The following C1orf52 variants were observed in gnomAD, a reference collection of about 807,000 sequenced individuals.
C1orf52 encodes the protein chromosome 1 open reading frame 52.
A neutral mutation model predicts 17.2 loss-of-function variants in C1orf52; 5 were observed. The ratio of observed to expected loss-of-function variants is 0.29; its 90% CI spans 0.15 to 0.61. The LOEUF (loss-of-function observed/expected upper bound fraction) is 0.61. C1orf52 is among the 20% of genes least tolerant of loss of function. The pLI is 0.85. For missense variants in C1orf52, 245 were observed against 234.1 expected (o/e 1.05, Z -0.30); for synonymous variants, 110 against 88.0 (o/e 1.25, Z -1.40).
intron 1 of C1orf52, 176 bp downstream of exon 1, chr1:85,259,182 C>T: frequency 8.8e-7 from 1 of 1,131,184 alleles, no homozygotes; most frequent in East Asian, 2.6e-5. Flanking sequence ...GTCTAACACC[C>T]ACCAGGCGGG....
rs541739871 is a variant in C1orf52 at position 85,250,441 on chromosome 1, T to A, written c.*2188A>T. The A allele has an allele frequency of 6.6e-6, 1 of 152,222 alleles. No homozygotes were observed. The highest frequency in any genetic ancestry group is 1.5e-5 in the Non-Finnish European group (1 of 68,052). 9.4% of individuals were successfully genotyped at this position (152,222 alleles called of 1,614,324 possible). ...ACCAAACTTCACCTCAGTACCCACA[T>A]GGACACTTGTGCAAACACGTTCCCA... On this transcript the variant is annotated 3_prime_UTR_variant, in exon 3 of 3. Transcript: ENST00000471115.
In C1orf52 at chr1:85,251,642, A is replaced by G. The variant is rs1411973920; in HGVS notation, c.*987T>C. 6.6e-6 allele frequency: 1 copy of G among 152,228 alleles called. No homozygotes were observed. The highest frequency in any genetic ancestry group is 1.5e-5 in the Non-Finnish European group (1 of 68,042). 9.4% of individuals were successfully genotyped at this position (152,228 alleles called of 1,614,324 possible). A position where few individuals can be genotyped will look rare whatever the true frequency, so the allele number is the denominator to read the frequency against. ...AATTTCAGATAAACACATTTTTTGT[A>G]TATGTCCTGAATATTAAATATACTA... On this transcript the variant is annotated 3_prime_UTR_variant, in exon 3 of 3. Coordinates refer to ENST00000471115, the MANE Select transcript of C1orf52 (RefSeq NM_198077.4).
intron 2 of C1orf52, 95 bp downstream of exon 2, chr1:85,258,429 C>T (rs1659999623): frequency 2.2e-5 from 24 of 1,110,588 alleles, no homozygotes; most frequent in Non-Finnish European, 3.0e-5. Context: ...TTTGTCAATT[C>T]GCTAGATTTA....
chr1:85,250,425 C>T lies in C1orf52; in HGVS notation c.*2204G>A, dbSNP rs1659773389. 1 of 152,214 alleles carries T rather than the reference C, an allele frequency of 6.6e-6. No individual in the cohort carries two copies. The highest frequency in any genetic ancestry group is 2.4e-5 in the African/African-American group (1 of 41,444). The allele number at this position is 152,214 out of a possible 1,614,324, so 9.4% of individuals were successfully genotyped here. A position where few individuals can be genotyped will look rare whatever the true frequency, so the allele number is the denominator to read the frequency against. ...GGTTTCCACTAGCTCAACCAAACTT[C>T]ACCTCAGTACCCACATGGACACTTG... On this transcript the variant is annotated 3_prime_UTR_variant, in exon 3 of 3. Transcript: ENST00000471115.
chr1:85,259,229 G>T, intron 1 of C1orf52, 129 bp downstream of exon 1: 1 of 1,258,754 alleles, frequency 7.9e-7, no homozygotes, highest in Non-Finnish European at 1.1e-6. Flanking sequence ...TGAGGTGGGA[G>T]GGGGTGGTGC....
intron 1 of C1orf52, 32 bp downstream of exon 1, chr1:85,259,326 C>A (rs761093340): frequency 1.4e-5 from 23 of 1,599,498 alleles, no homozygotes; most frequent in South Asian, 4.4e-5. Flanking sequence ...CAGGCCGGGG[C>A]CGAGACCGAG....
rs369342309 is a variant in C1orf52 at position 85,253,818 on chromosome 1, C to A, written c.476-1116G>T. 1.2e-4 allele frequency among the ~76,000 whole-genome samples: 19 copies of A among 152,166 alleles called. No individual in the cohort carries two copies. The East Asian group carries it at 1.5e-3, about 12-fold the overall frequency. ...CACAGACTAGTTGCTAATTCCATCT[C>A]CCTAAGCAAATGTGTGGTATTAAGA... On this transcript the variant is annotated intron_variant, in intron 2 of 2. Coordinates refer to ENST00000471115, the MANE Select transcript of C1orf52 (RefSeq NM_198077.4).
Position 85,258,564 on chromosome 1 carries a change from T to C in C1orf52, c.435A>G (p.Lys145=), listed in dbSNP as rs770624037. 23 of 1,614,126 alleles carry C rather than the reference T, an allele frequency of 1.4e-5. No individual in the cohort carries two copies. Among genetic ancestry groups the C allele is most frequent in the Non-Finnish European group, 1.8e-5 (21 of 1,180,050 alleles). The change falls in exon 2 of 3, where the codon AAA becomes AAG. Residue 145 remains lysine (K), a synonymous_variant. Coordinates refer to ENST00000471115, the MANE Select transcript of C1orf52 (RefSeq NM_198077.4). Reference sequence around the variant, plus strand: ...CCTCCCCTTCTGGTAGAAGCCTAGCTTTCTTAGCATTCTGTGGAGCATCAT... The same window carrying C: ...CCTCCCCTTCTGGTAGAAGCCTAGCCTTCTTAGCATTCTGTGGAGCATCAT... The part of the protein sequence containing the change: ...NGDDAPQNAK[K]ARLLPEGEET...
At position 85,251,172 on chromosome 1, in the gene C1orf52, G is replaced by GA. The variant is rs1191494445; in HGVS notation, c.*1456dup. The GA allele has an allele frequency of 6.6e-6, 1 of 152,004 alleles. No individual in the cohort carries two copies. The allele number at this position is 152,004 out of a possible 1,614,324, so 9.4% of individuals were successfully genotyped here. ...TTCAAATTTTATCTTCCACAATGGG[G>GA]AAAAACAGATTTAAAAAAAAATACT... is the stretch of plus-strand genomic sequence containing the variant. On this transcript the variant is annotated 3_prime_UTR_variant, in exon 3 of 3. Coordinates refer to ENST00000471115, the MANE Select transcript of C1orf52 (RefSeq NM_198077.4).
At position 85,259,349 on chromosome 1, in the gene C1orf52, G is replaced by T. The variant is rs75231029; in HGVS notation, c.276+9C>A. On this transcript the variant is annotated intron_variant, in intron 1 of 2. Transcript: ENST00000471115. The stretch of plus-strand genomic sequence containing the variant: ...GGCCGAGACCGAGAAACGGGGTCGG[G>T]GACCTCACCTCCTCAGGCGCCTTGA... The T allele has an allele frequency of 0.059, 94,705 of 1,606,064 alleles. 3,336 individuals carry two copies. The highest frequency in any genetic ancestry group is 0.15 in the East Asian group (6,642 of 44,590).
chr1:85,259,613 G>C lies in C1orf52; in HGVS notation c.21C>G (p.Asp7Glu), dbSNP rs762047378. The C allele has an allele frequency of 1.5e-5, 24 of 1,569,954 alleles. No homozygotes were observed. The highest frequency in any genetic ancestry group is 2.3e-5 in the South Asian group (2 of 86,172). The change falls in exon 1 of 3, where the codon GAC becomes GAG. Residue 7 changes from aspartate (D) to glutamate (E), a missense_variant. Transcript: ENST00000471115. Reference protein sequence around the residue: MAAEEKDPLSYFAAYGS... With the variant: MAAEEKEPLSYFAAYGS... Reference sequence around the variant, plus strand: ...CGTATGCCGCAAAATAGCTCAGAGGGTCCTTCTCCTCCGCTGCCATGACGG... The same window carrying C: ...CGTATGCCGCAAAATAGCTCAGAGGCTCCTTCTCCTCCGCTGCCATGACGG...
intron 2 of C1orf52, 90 bp downstream of exon 2, chr1:85,258,433 AG>A: frequency 8.7e-7 from 1 of 1,149,792 alleles, no homozygotes; most frequent in Non-Finnish European, 1.3e-6. Context: ...TCAATTCGCT[AG>A]ATTTAATTTT....
Position 85,259,352 on chromosome 1 carries a change from C to T in C1orf52, c.276+6G>A, listed in dbSNP as rs373797222. Reference sequence around the variant, plus strand: ...CGAGACCGAGAAACGGGGTCGGGGACCTCACCTCCTCAGGCGCCTTGACGA... The same window carrying T: ...CGAGACCGAGAAACGGGGTCGGGGATCTCACCTCCTCAGGCGCCTTGACGA... On this transcript the variant is annotated splice_donor_region_variant and intron_variant, in intron 1 of 2. Transcript: ENST00000471115. 1.1e-5 allele frequency: 17 copies of T among 1,607,148 alleles called. No homozygotes were observed. In the African/African-American group the frequency reaches 1.6e-4, roughly 15 times the overall value.
In C1orf52 at chr1:85,259,494, C is replaced by A; in HGVS notation, c.140G>T (p.Gly47Val). 1 of 1,613,852 alleles carries A rather than the reference C, an allele frequency of 6.2e-7. No individual in the cohort carries two copies. Among genetic ancestry groups the A allele is most frequent in the Admixed American group, 1.7e-5 (1 of 60,032 alleles). The change falls in exon 1 of 3, where the codon GGC becomes GTC. Residue 47 changes from glycine to valine, a missense_variant. Transcript: ENST00000471115. Reference protein sequence around the residue: ...RTPDPAKSAGGCRNKAEKRLP... With the variant: ...RTPDPAKSAGVCRNKAEKRLP... ...CCGCTTCTCCGCCTTGTTCCTACAGCCGCCCGCCGACTTCGCCGGATCCGG... is the reference window on the plus strand; with the variant it reads ...CCGCTTCTCCGCCTTGTTCCTACAGACGCCCGCCGACTTCGCCGGATCCGG...
At chr1:85,255,404 G>C (rs2100732571) in intron 2 of C1orf52, among the ~76,000 whole-genome samples, 1 of 152,262 alleles carries the variant, frequency 6.6e-6, no homozygotes, top group Admixed American at 6.5e-5. Context: ...ACAAAAATTA[G>C]CTGGGCGTGG....
chr1:85,259,601 A>G lies in C1orf52; in HGVS notation c.33T>C (p.Tyr11=). 1 of 1,584,070 alleles carries G rather than the reference A, an allele frequency of 6.3e-7. No individual in the cohort carries two copies. The highest frequency in any genetic ancestry group is 1.3e-5 in the African/African-American group (1 of 74,296). ...AGCTGCTGCTCCCGTATGCCGCAAAATAGCTCAGAGGGTCCTTCTCCTCCG... is the reference window on the plus strand; with the variant it reads ...AGCTGCTGCTCCCGTATGCCGCAAAGTAGCTCAGAGGGTCCTTCTCCTCCG... MAAEEKDPLS[Y]FAAYGSSSSG... Residue 11 remains tyrosine, a synonymous_variant, in exon 1 of 3, where the codon TAT becomes TAC. Transcript: ENST00000471115.
intron 1 of C1orf52, chr1:85,259,066 AGCGGGGGGG>A: frequency 1.7e-6 from 2 of 1,146,760 alleles, no homozygotes; most frequent in African/African-American, 1.6e-5. Context: ...GAGAAGCTGC[AGCGGGGGGG>A]GCGGGGGAGT....
At chr1:85,256,748 G>A (rs1324816488) in intron 2 of C1orf52, among the ~76,000 whole-genome samples, 1 of 144,238 alleles carries the variant, frequency 6.9e-6, no homozygotes, top group Non-Finnish European at 1.5e-5. Context: ...GCAGTGAGCC[G>A]AGATGGCGCC....
chr1:85,258,562 G>GC lies in C1orf52; in HGVS notation c.436dup (p.Ala146GlyfsTer2). 1 of 1,614,114 alleles carries GC rather than the reference G, an allele frequency of 6.2e-7. No homozygotes were observed. The highest frequency in any genetic ancestry group is 8.5e-7 in the Non-Finnish European group (1 of 1,180,014). On this transcript the variant is annotated frameshift_variant, in exon 2 of 3. Transcript: ENST00000471115. LOFTEE classifies it high-confidence loss of function. ...CTCCTCCCCTTCTGGTAGAAGCCTA[G>GC]CTTTCTTAGCATTCTGTGGAGCATC...
Sources: gnomAD v4.1 joint callset for allele counts (sites outside exome capture counted in the v4.1 genomes callset) on GRCh38, gnomAD v4.1.1 for gene constraint, MANE v1.5 for transcripts, NCBI Gene and HGNC (gene_info 2026-07-23, HGNC 2026-07-21) for gene names.